Variants in KAZN observed in about 807,000 individuals in gnomAD.
The protein encoded by KAZN is kazrin, periplakin interacting protein.
KAZN carries 40 observed loss-of-function variants against 87.4 expected under a neutral mutation model. The ratio of observed to expected loss-of-function variants is 0.46; its 90% CI spans 0.36 to 0.60. The LOEUF (loss-of-function observed/expected upper bound fraction) is 0.60, where lower values mean the gene tolerates loss of function less well. Among genes scored for constraint, KAZN ranks in the 20% least tolerant of loss-of-function variants. The pLI, the probability that KAZN is intolerant of heterozygous loss-of-function variation, is 0.00. For synonymous variants in KAZN, 466 were observed against 458.3 expected, an observed-to-expected ratio of 1.02 and a Z score of -0.22; for missense variants, 898 against 1,073.9, an observed-to-expected ratio of 0.84 and a Z score of 2.29.
intron 1 of KAZN, among the ~76,000 whole-genome samples, chr1:14,859,899 C>T (rs1650630772): frequency 6.6e-6 from 1 of 152,296 alleles, no homozygotes; most frequent in South Asian, 2.1e-4. Flanking sequence ...TCCCATGAAG[C>T]CACGCCTGGA....
intron 1 of KAZN, among the ~76,000 whole-genome samples, chr1:14,719,693 G>T (rs1349193685): frequency 6.6e-6 from 1 of 152,178 alleles, no homozygotes; most frequent in African/African-American, 2.4e-5. Flanking sequence ...ACAAAAATTA[G>T]CTGGGTGTGG....
At chr1:14,355,680 G>A (rs1291739342) in intron 2 of KAZN, among the ~76,000 whole-genome samples, 2 of 152,140 alleles carry the variant, frequency 1.3e-5, no homozygotes, top group Admixed American at 6.5e-5. Flanking sequence ...AACATGCGGT[G>A]TTTGGTTTTC....
intron 1 of KAZN, among the ~76,000 whole-genome samples, chr1:14,827,353 A>G (rs919702525): frequency 4.6e-5 from 7 of 152,156 alleles, no homozygotes; most frequent in Non-Finnish European, 8.8e-5. Flanking sequence ...TGGTGCACCC[A>G]TCACCCGAGC....
At chr1:14,347,228 G>A (rs965501505) in intron 2 of KAZN, among the ~76,000 whole-genome samples, 2 of 152,168 alleles carry the variant, frequency 1.3e-5, no homozygotes, top group Non-Finnish European at 2.9e-5. Flanking sequence ...AGATTGTTCT[G>A]GCTGGGCACT....
chr1:14,690,798 G>T lies in KAZN; in HGVS notation c.226+91575G>T, dbSNP rs1053275101. Among the ~76,000 whole-genome samples, 5 of 152,196 alleles carry T rather than the reference G, an allele frequency of 3.3e-5. 1 individual carries two copies. Among genetic ancestry groups the T allele is most frequent in the Admixed American group, 3.3e-4 (5 of 15,286 alleles). ...GACTGACTCTGGAGACCTCACTGTG[G>T]TTTATCTTAGTTTTGTGTAATTACA... On this transcript the variant is annotated intron_variant, in intron 1 of 14. Transcript: ENST00000376030.
chr1:14,607,476 T>A (rs1477326590), intron 1 of KAZN, among the ~76,000 whole-genome samples: 1 of 152,240 alleles, frequency 6.6e-6, no homozygotes, highest in Non-Finnish European at 1.5e-5. Context: ...AAGAAACTGT[T>A]ATTGTTCTAA....
intron 1 of KAZN, among the ~76,000 whole-genome samples, chr1:14,670,927 G>A (rs907739691): frequency 5.3e-5 from 8 of 152,186 alleles, no homozygotes; most frequent in African/African-American, 1.9e-4. Flanking sequence ...TAGTAATCAC[G>A]GCTGGAGGGT....
intron 2 of KAZN, among the ~76,000 whole-genome samples, chr1:14,982,619 G>C: frequency 6.6e-6 from 1 of 152,154 alleles, no homozygotes; most frequent in East Asian, 1.9e-4. Context: ...TAGAGATGCG[G>C]TTTCACCATA....
chr1:14,960,657 C>G (rs568369654), intron 1 of KAZN, 27 bp from the exon 2 acceptor site: 2 of 1,552,858 alleles, frequency 1.3e-6, no homozygotes, highest in African/African-American at 1.4e-5. Flanking sequence ...CGTTCCTGTC[C>G]TCTAACCCTG....
intron 2 of KAZN, among the ~76,000 whole-genome samples, chr1:14,273,411 G>T (rs1001988755): frequency 6.6e-6 from 1 of 152,012 alleles, no homozygotes; most frequent in Non-Finnish European, 1.5e-5. Context: ...AAGTCTTAAT[G>T]ATATATGTAT....
At chr1:15,092,837 G>A (rs184658398) in intron 8 of KAZN, among the ~76,000 whole-genome samples, 10 of 152,040 alleles carry the variant, frequency 6.6e-5, no homozygotes, top group African/African-American at 2.2e-4. Context: ...TTGAGTCTCT[G>A]TAACCTGAAC....
At chr1:14,199,324 AC>A (rs1646591970) in intron 2 of KAZN, among the ~76,000 whole-genome samples, 1 of 152,120 alleles carries the variant, frequency 6.6e-6, no homozygotes, top group Admixed American at 6.5e-5. Context: ...CCGATCTCCC[AC>A]CTTTGAACAT....
intron 2 of KAZN, among the ~76,000 whole-genome samples, chr1:14,262,620 G>A (rs1177823249): frequency 6.6e-6 from 1 of 152,130 alleles, no homozygotes; most frequent in African/African-American, 2.4e-5. Flanking sequence ...ATTTAATACT[G>A]GAAGGACCCC....
intron 2 of KAZN, among the ~76,000 whole-genome samples, chr1:14,227,692 T>G (rs373067068): frequency 6.5e-4 from 99 of 152,260 alleles, no homozygotes; most frequent in African/African-American, 2.2e-3. Flanking sequence ...CACCTCTTGA[T>G]GAGAGGAGTG....
chr1:14,039,410 C>A (rs764972334), intron 1 of KAZN, among the ~76,000 whole-genome samples: 1 of 152,130 alleles, frequency 6.6e-6, no homozygotes. Context: ...AGTGCTGTAT[C>A]GATGCACTTT....
intron 2 of KAZN, among the ~76,000 whole-genome samples, chr1:14,510,983 C>T (rs78112219): frequency 0.1 from 15,290 of 152,034 alleles, 973 homozygotes; most frequent in East Asian, 0.16. Flanking sequence ...GTCTCTTCGT[C>T]GCTCAAGATA....
intron 1 of KAZN, among the ~76,000 whole-genome samples, chr1:14,791,552 G>A (rs1272165604): frequency 6.6e-6 from 1 of 152,210 alleles, no homozygotes; most frequent in African/African-American, 2.4e-5. Flanking sequence ...ATGTGCCTCT[G>A]GTCCCTGGAC....
intron 1 of KAZN, among the ~76,000 whole-genome samples, chr1:14,897,590 CAT>C (rs1041898262): frequency 2.0e-5 from 3 of 151,044 alleles, no homozygotes; most frequent in African/African-American, 7.3e-5. Context: ...CTATAAATAA[CAT>C]ATTTTATGAA....
chr1:14,189,158 A>G (rs1275078913), intron 2 of KAZN, among the ~76,000 whole-genome samples: 1 of 152,144 alleles, frequency 6.6e-6, no homozygotes, highest in Admixed American at 6.5e-5. Context: ...AATCACACTT[A>G]AAAGTAGTTT....
Sources: gnomAD v4.1 joint callset for allele counts (sites outside exome capture counted in the v4.1 genomes callset) on GRCh38, gnomAD v4.1.1 for gene constraint, MANE v1.5 for transcripts, NCBI Gene and HGNC (gene_info 2026-07-23, HGNC 2026-07-21) for gene names.